YIPF3: variants seen among roughly 807,000 people sequenced by gnomAD.
YIPF3 encodes the protein protein YIPF3.
YIPF3 carries 18 observed loss-of-function variants against 40.3 expected under a neutral mutation model. The observed-to-expected ratio is 0.45, with a 90% CI of 0.31 to 0.66. The LOEUF is 0.66. Among genes scored for constraint, YIPF3 ranks in the 30% least tolerant of loss-of-function variants. The pLI is 0.07. For missense variants in YIPF3, 406 were observed against 452.2 expected (o/e 0.90, Z 0.93); for synonymous variants, 190 against 179.6 (o/e 1.06, Z -0.46).
At chr6:43,514,177 G>A (rs569695331) in intron 3 of YIPF3, among the ~76,000 whole-genome samples, 1 of 152,318 alleles carries the variant, frequency 6.6e-6, no homozygotes, top group Admixed American at 6.5e-5. Flanking sequence ...GGAAGCGGAG[G>A]TTGCAGTGAA....
intron 5 of YIPF3, 68 bp from the exon 6 acceptor site, chr6:43,513,268 A>C: frequency 6.2e-7 from 1 of 1,612,980 alleles, no homozygotes; most frequent in Non-Finnish European, 8.5e-7. Context: ...GGCCTTCCGC[A>C]GGGGCTGTTC....
intron 3 of YIPF3, 153 bp downstream of exon 3, chr6:43,515,439 CTAT>C (rs1792781239): frequency 1.4e-6 from 1 of 731,230 alleles, no homozygotes; most frequent in East Asian, 2.7e-5. Flanking sequence ...AGATGGTGTG[CTAT>C]TATTACTTGT....
At chr6:43,513,331 C>A in intron 5 of YIPF3, 28 bp downstream of exon 5, 8 of 1,612,526 alleles carry the variant, frequency 5.0e-6, no homozygotes, top group Non-Finnish European at 6.8e-6. Flanking sequence ...AGTGCAGCCA[C>A]CCCCCCAAAG....
Position 43,516,795 on chromosome 6 carries a change from C to G in YIPF3, c.13G>C (p.Ala5Pro), listed in dbSNP as rs1278196264. Residue 5 changes from alanine (A) to proline (P), a missense_variant, in exon 1 of 9, where the codon GCG (alanine) becomes CCG (proline). Transcript: ENST00000372422. The stretch of plus-strand genomic sequence containing the variant: ...TTTCGGGCGCCGCCCGCCGGCGCCG[C>G]TGTAGTTGCCATGTCCCTTGAGGGC... MATTAAPAGGARNGA... is the reference protein window; with the variant it reads MATTPAPAGGARNGA... 6.3e-7 allele frequency: 1 copy of G among 1,578,764 alleles called. No homozygotes were observed. The highest frequency in any genetic ancestry group is 8.6e-7 in the Non-Finnish European group (1 of 1,162,084).
chr6:43,513,018 C>T (rs1264141800), intron 6 of YIPF3, 51 bp downstream of exon 6: 1 of 1,608,746 alleles, frequency 6.2e-7, no homozygotes, highest in Admixed American at 1.7e-5. Flanking sequence ...CCGACCAAGG[C>T]CTGGCTACTC....
At position 43,515,689 on chromosome 6, in the gene YIPF3, C is replaced by G; in HGVS notation, c.301G>C (p.Gly101Arg). The change falls in exon 3 of 9, where the codon GGG (glycine) becomes CGG (arginine). Residue 101 changes from glycine (G) to arginine (R), a missense_variant. Coordinates refer to ENST00000372422, the MANE Select transcript of YIPF3 (RefSeq NM_015388.4). ...AAGGCCCTGGAGGCTTGTCTTTTCC[C>G]AGCCTGCCACATCTGAAGTAAGGAA... ...RQVADQMWQA[G>R]KRQASRAFSL... 6.2e-7 allele frequency: 1 copy of G among 1,614,136 alleles called. No homozygotes were observed. Among genetic ancestry groups the G allele is most frequent in the Non-Finnish European group, 8.5e-7 (1 of 1,180,036 alleles).
chr6:43,513,285 C>T lies in YIPF3; in HGVS notation c.534+74G>A, dbSNP rs1030742281. 46 of 1,612,794 alleles carry T rather than the reference C, an allele frequency of 2.9e-5. 1 individual carries two copies. In the South Asian group the frequency reaches 4.4e-4, roughly 15 times the overall value. On this transcript the variant is annotated intron_variant, in intron 5 of 8. Coordinates refer to ENST00000372422, the MANE Select transcript of YIPF3 (RefSeq NM_015388.4). ...CCTTCCGCAGGGGCTGTTCCTGTCT[C>T]ACTCCACCATTGTATCCTCAGGCAG...
At chr6:43,513,513 C>G in intron 4 of YIPF3, 62 bp from the exon 5 acceptor site, 1 of 1,610,988 alleles carries the variant, frequency 6.2e-7, no homozygotes, top group South Asian at 1.1e-5. Context: ...TATGGCTTCC[C>G]AGGATTTGCC....
At chr6:43,515,549 G>C (rs114369577) in intron 3 of YIPF3, 46 bp downstream of exon 3, 8 of 1,598,120 alleles carry the variant, frequency 5.0e-6, no homozygotes, top group Non-Finnish European at 3.4e-6. Context: ...TGTGCATGAA[G>C]GTCTAGGTGT....
rs1468723901 is a variant in YIPF3, at chr6:43,512,602, A to G, written c.781-39T>C. The stretch of plus-strand genomic sequence containing the variant: ...AATACAGCTCAAAGGGCCTGGCTCC[A>G]AAGTGAGGAGTGGGGACAAGACACC... On this transcript the variant is annotated intron_variant, in intron 7 of 8. Coordinates refer to ENST00000372422, the MANE Select transcript of YIPF3 (RefSeq NM_015388.4). 3 of 1,585,294 alleles carry G rather than the reference A, an allele frequency of 1.9e-6. No homozygotes were observed. The Admixed American group carries it at 5.3e-5, about 28-fold the overall frequency.
chr6:43,516,243 T>G (rs1441840073), intron 1 of YIPF3, 148 bp from the exon 2 acceptor site: 12 of 1,453,386 alleles, frequency 8.3e-6, no homozygotes, highest in Non-Finnish European at 1.1e-5. Context: ...TTCCCCCTCA[T>G]ATGCTCTCAG....
At chr6:43,513,287 C>T (rs1792708917) in intron 5 of YIPF3, 72 bp downstream of exon 5, 1 of 1,613,036 alleles carries the variant, frequency 6.2e-7, no homozygotes, top group South Asian at 1.1e-5. Context: ...TCCTGTCTCA[C>T]TCCACCATTG....
chr6:43,511,946 A>T lies in YIPF3; in HGVS notation c.*221T>A, dbSNP rs998540436. On this transcript the variant is annotated 3_prime_UTR_variant, in exon 9 of 9. Transcript: ENST00000372422. The stretch of plus-strand genomic sequence containing the variant: ...GAGGGGTTCTCAAAGGAGCTGACCC[A>T]TTTTCTGCATTGGCTGCAGAGCCTT... 3.1e-6 allele frequency: 2 copies of T among 637,462 alleles called. No homozygotes were observed. Among genetic ancestry groups the T allele is most frequent in the Admixed American group, 7.0e-5 (2 of 28,610 alleles). The allele number at this position is 637,462 out of a possible 1,614,324, so 39.5% of individuals were successfully genotyped here. A position where few individuals can be genotyped will look rare whatever the true frequency, so the allele number is the denominator to read the frequency against.
intron 3 of YIPF3, chr6:43,515,237 C>T (rs1241164711): frequency 6.5e-6 from 3 of 460,788 alleles, no homozygotes; most frequent in South Asian, 4.6e-5. Flanking sequence ...TGTGATCCGC[C>T]CGCCTCGGCC....
In YIPF3 at chr6:43,511,868, ATATT is replaced by A. The variant is rs755566295; in HGVS notation, c.*295_*298del. On this transcript the variant is annotated 3_prime_UTR_variant, in exon 9 of 9. Transcript: ENST00000372422. ...AATCAACATTTTAATTACCAAGTCT[ATATT>A]TAGCAAGACAATGTGGGAGAGATAA... The A allele has an allele frequency of 2.8e-5, 11 of 392,384 alleles. No homozygotes were observed. Among genetic ancestry groups the A allele is most frequent in the Non-Finnish European group, 4.6e-5 (10 of 217,216 alleles). The allele number at this position is 392,384 out of a possible 1,614,324, so 24.3% of individuals were successfully genotyped here.
chr6:43,515,880 C>T lies in YIPF3; in HGVS notation c.288+9G>A, dbSNP rs377434083. ...CTTTTCTACCTGCAGAGGATTCAAT[C>T]TTGCTTACCTGATCTGCCACCTGCC... is the stretch of plus-strand genomic sequence containing the variant. On this transcript the variant is annotated intron_variant, in intron 2 of 8. Transcript: ENST00000372422. 16 of 1,588,688 alleles carry T rather than the reference C, an allele frequency of 1.0e-5. No individual in the cohort carries two copies. In the Admixed American group the frequency reaches 1.0e-4, roughly 10 times the overall value.
In YIPF3 at chr6:43,512,800, G is replaced by T. The variant is rs144684338; in HGVS notation, c.741C>A (p.Leu247=). The T allele has an allele frequency of 4.3e-6, 7 of 1,613,968 alleles. No individual in the cohort carries two copies. The African/African-American group carries it at 9.3e-5, about 22-fold the overall frequency. ...YNIHLHALFY[L]FWLLVGGLST... ...ACAGTCCACCCACCAACAGCCAGAAGAGGTAGAAGAGGGCGTGGAGGTGGA... is the reference window on the plus strand; with the variant it reads ...ACAGTCCACCCACCAACAGCCAGAATAGGTAGAAGAGGGCGTGGAGGTGGA... Residue 247 remains leucine, a synonymous_variant, in exon 7 of 9, where the codon CTC becomes CTA. Transcript: ENST00000372422.
chr6:43,515,177 A>G (rs1265430474), intron 3 of YIPF3: 6 of 409,116 alleles, frequency 1.5e-5, no homozygotes. Flanking sequence ...CATTTTTAGT[A>G]GAGACAGGGT....
chr6:43,514,758 G>A (rs567712140), intron 3 of YIPF3, among the ~76,000 whole-genome samples: 1 of 152,280 alleles, frequency 6.6e-6, no homozygotes, highest in Non-Finnish European at 1.5e-5. Context: ...TATTTGATTA[G>A]CATTGATTAA....
Sources: gnomAD v4.1 joint callset for allele counts (sites outside exome capture counted in the v4.1 genomes callset) on GRCh38, gnomAD v4.1.1 for gene constraint, MANE v1.5 for transcripts, NCBI Gene and HGNC (gene_info 2026-07-23, HGNC 2026-07-21) for gene names.